The following FIP1L1 variants were observed in gnomAD, a reference collection of about 807,000 sequenced individuals.
FIP1L1 encodes pre-mRNA 3'-end-processing factor FIP1.
A neutral mutation model predicts 84.6 loss-of-function variants in FIP1L1; 21 were observed. That is an observed-to-expected ratio of 0.25 (90% CI 0.18 to 0.36). The LOEUF (loss-of-function observed/expected upper bound fraction) is 0.36, where lower values mean the gene tolerates loss of function less well. Ranked by LOEUF, FIP1L1 falls within the 10% of genes least tolerant of loss-of-function variation. The pLI is 1.00. For missense variants in FIP1L1, 526 were observed against 751.1 expected (o/e 0.70, Z 3.50); for synonymous variants, 263 against 242.3 (o/e 1.09, Z -0.80).
intron 10 of FIP1L1, 150 bp from the exon 11 acceptor site, chr4:53,414,465 C>T: frequency 1.9e-6 from 1 of 526,946 alleles, no homozygotes. Context: ...CTTAGTACCA[C>T]AGCAAGTAGT....
At chr4:53,419,483 C>T (rs1761209484) in intron 11 of FIP1L1, among the ~76,000 whole-genome samples, 1 of 152,040 alleles carries the variant, frequency 6.6e-6, no homozygotes, top group Admixed American at 6.6e-5. Flanking sequence ...ACTCTGTTTC[C>T]CAGGTTGAGT....
At chr4:53,446,783 A>G (rs1774362601) in intron 15 of FIP1L1, among the ~76,000 whole-genome samples, 1 of 152,132 alleles carries the variant, frequency 6.6e-6, no homozygotes, top group Non-Finnish European at 1.5e-5. Context: ...AATTCTTGAG[A>G]TTACCCATTC....
intron 5 of FIP1L1, among the ~76,000 whole-genome samples, chr4:53,385,493 A>T (rs145667077): frequency 6.6e-6 from 1 of 152,130 alleles, no homozygotes; most frequent in Non-Finnish European, 1.5e-5. Context: ...AAACCATTGA[A>T]TTCAAAACTC....
At chr4:53,389,748 T>C in intron 5 of FIP1L1, 61 bp from the exon 6 acceptor site, 7 of 1,263,054 alleles carry the variant, frequency 5.5e-6, no homozygotes, top group Non-Finnish European at 8.0e-6. Context: ...ATGGAATATA[T>C]TACTGTTTTG....
intron 11 of FIP1L1, among the ~76,000 whole-genome samples, chr4:53,420,222 A>AAAAAAAC (rs1761760295): frequency 7.2e-6 from 1 of 138,324 alleles, no homozygotes; most frequent in African/African-American, 3.0e-5. Flanking sequence ...AAAAAAAAAA[A>AAAAAAAC]AAACCAGCCT....
At chr4:53,437,519 G>A (rs1448312930) in intron 13 of FIP1L1, among the ~76,000 whole-genome samples, 3 of 151,578 alleles carry the variant, frequency 2.0e-5, no homozygotes, top group Non-Finnish European at 4.4e-5. Flanking sequence ...GCTTAGAATC[G>A]GATCCAGTGA....
intron 14 of FIP1L1, 73 bp from the exon 15 acceptor site, chr4:53,443,975 C>T (rs1194641586): frequency 1.9e-5 from 19 of 984,146 alleles, no homozygotes; most frequent in Non-Finnish European, 2.4e-5. Flanking sequence ...CCTTGTTTTT[C>T]CTTTTGTACT....
intron 11 of FIP1L1, among the ~76,000 whole-genome samples, chr4:53,416,730 C>A (rs912267153): frequency 2.0e-5 from 3 of 151,982 alleles, no homozygotes; most frequent in African/African-American, 7.3e-5. Context: ...TTTGGGAGAC[C>A]GAGGCAGGTG....
At chr4:53,439,538 A>C (rs1357570365) in intron 13 of FIP1L1, among the ~76,000 whole-genome samples, 1 of 152,068 alleles carries the variant, frequency 6.6e-6, no homozygotes, top group Non-Finnish European at 1.5e-5. Context: ...ACATTTGAAA[A>C]CAATTCTGTT....
At chr4:53,379,756 T>TA (rs1736782810) in intron 3 of FIP1L1, among the ~76,000 whole-genome samples, 1 of 152,190 alleles carries the variant, frequency 6.6e-6, no homozygotes, top group Admixed American at 6.5e-5. Flanking sequence ...ATTTCTTTGT[T>TA]AGATTGTAAG....
At chr4:53,422,712 ATATATATATATT>A (rs1560544422) in intron 11 of FIP1L1, among the ~76,000 whole-genome samples, 1 of 150,782 alleles carries the variant, frequency 6.6e-6, no homozygotes, top group Non-Finnish European at 1.5e-5. Flanking sequence ...ATATATATGT[ATATATATATATT>A]TTTTTTTTGA....
chr4:53,384,417 GAA>G (rs752560947), intron 5 of FIP1L1, among the ~76,000 whole-genome samples: 24 of 133,916 alleles, frequency 1.8e-4, no homozygotes, highest in Non-Finnish European at 3.9e-4. Flanking sequence ...TCGAGAAAAA[GAA>G]AAAAAAAAAG....
rs955229967 is a variant in FIP1L1, at chr4:53,460,270, T to G, written c.*821T>G. Reference sequence around the variant, plus strand: ...GGAAAAAAAGAGCTTTAGCCATTTCTTACTAAAAACAAAACAAGTTTATAA... The same window carrying G: ...GGAAAAAAAGAGCTTTAGCCATTTCGTACTAAAAACAAAACAAGTTTATAA... On this transcript the variant is annotated 3_prime_UTR_variant, in exon 18 of 18. Transcript: ENST00000337488. 1.0e-5 allele frequency: 2 copies of G among 191,970 alleles called. No individual in the cohort carries two copies. The highest frequency in any genetic ancestry group is 2.2e-5 in the Non-Finnish European group (2 of 91,952). 11.9% of individuals were successfully genotyped at this position (191,970 alleles called of 1,614,324 possible). A position where few individuals can be genotyped will look rare whatever the true frequency, so the allele number is the denominator to read the frequency against.
rs1721786796 is a variant in FIP1L1 at position 53,460,535 on chromosome 4, A to G, written c.*1086A>G. ...GCATTTTAAAAAATATTTTAGCTGT[A>G]AATTAAAAATGGCCATAATGTACCC... On this transcript the variant is annotated 3_prime_UTR_variant, in exon 18 of 18. Coordinates refer to ENST00000337488, the MANE Select transcript of FIP1L1 (RefSeq NM_030917.4). 9.5e-6 allele frequency: 2 copies of G among 210,718 alleles called. No individual in the cohort carries two copies. The highest frequency in any genetic ancestry group is 3.6e-4 in the South Asian group (2 of 5,500). 13.1% of individuals were successfully genotyped at this position (210,718 alleles called of 1,614,324 possible).
At chr4:53,436,168 C>T (rs1348771920) in intron 13 of FIP1L1, among the ~76,000 whole-genome samples, 3 of 152,190 alleles carry the variant, frequency 2.0e-5, no homozygotes, top group South Asian at 2.1e-4. Flanking sequence ...TTTCTACTGC[C>T]GTATAACAAG....
chr4:53,436,354 T>G (rs1769195656), intron 13 of FIP1L1, among the ~76,000 whole-genome samples: 1 of 152,216 alleles, frequency 6.6e-6, no homozygotes, highest in African/African-American at 2.4e-5. Flanking sequence ...ACTCACCTCT[T>G]TGTTAAAAGG....
At chr4:53,409,186 T>A (rs905796413) in intron 10 of FIP1L1, among the ~76,000 whole-genome samples, 7 of 152,222 alleles carry the variant, frequency 4.6e-5, no homozygotes, top group Non-Finnish European at 1.0e-4. Context: ...GTGGGTGTCC[T>A]TTCTGTTTGT....
chr4:53,398,753 G>A (rs769026636), intron 9 of FIP1L1, among the ~76,000 whole-genome samples: 1 of 152,196 alleles, frequency 6.6e-6, no homozygotes, highest in African/African-American at 2.4e-5. Context: ...ACAGACTAGA[G>A]GAATGTGACT....
At chr4:53,384,816 GTTA>G (rs1740056407) in intron 5 of FIP1L1, among the ~76,000 whole-genome samples, 1 of 152,176 alleles carries the variant, frequency 6.6e-6, no homozygotes, top group Admixed American at 6.5e-5. Flanking sequence ...GTATAATGTG[GTTA>G]TTATAGCTTA....
Sources: gnomAD v4.1 joint callset for allele counts (sites outside exome capture counted in the v4.1 genomes callset) on GRCh38, gnomAD v4.1.1 for gene constraint, MANE v1.5 for transcripts, NCBI Gene and HGNC (gene_info 2026-07-23, HGNC 2026-07-21) for gene names.